PROC: variants seen among roughly 807,000 people sequenced by gnomAD.
The protein encoded by PROC is vitamin K-dependent protein C.
A neutral mutation model predicts 36.3 loss-of-function variants in PROC; 22 were observed. The observed-to-expected ratio is 0.61, with a 90% confidence interval of 0.43 to 0.86. The LOEUF is 0.86. PROC is among the 40% of genes least tolerant of loss of function. The pLI, the probability that PROC is intolerant of heterozygous loss-of-function variation, is 0.00. For missense variants in PROC, 526 were observed against 629.7 expected (o/e 0.84, Z 1.76); for synonymous variants, 218 against 244.5 (o/e 0.89, Z 1.01).
intron 1 of PROC, among the ~76,000 whole-genome samples, chr2:127,419,226 C>T (rs781652576): frequency 3.3e-5 from 5 of 152,140 alleles, no homozygotes; most frequent in Non-Finnish European, 5.9e-5. Context: ...TTAACTCCTC[C>T]GAGTCTCAGT....
At chr2:127,427,368 G>A in intron 8 of PROC, 146 bp downstream of exon 8, 1 of 713,910 alleles carries the variant, frequency 1.4e-6, no homozygotes, top group South Asian at 1.7e-5. Flanking sequence ...GGGGGAAGAG[G>A]CCTATGTGCC....
At position 127,429,081 on chromosome 2, in the gene PROC, T is replaced by C. The variant is rs1186929492; in HGVS notation, c.*135T>C. 2.1e-6 allele frequency: 2 copies of C among 946,848 alleles called. No homozygotes were observed. Among genetic ancestry groups the C allele is most frequent in the Non-Finnish European group, 3.3e-6 (2 of 611,828 alleles). The allele number at this position is 946,848 out of a possible 1,614,324, so 58.7% of individuals were successfully genotyped here. ...TCTTCTGGAGGGAAGTAACATTTAC[T>C]GAGCACCTGTTGTATGTCACATGCC... is the stretch of plus-strand genomic sequence containing the variant. On this transcript the variant is annotated 3_prime_UTR_variant, in exon 9 of 9. Transcript: ENST00000234071.
rs1688253044 is a variant in PROC, at chr2:127,423,364, C to A, written c.491C>A (p.Pro164His). 6.4e-7 allele frequency: 1 copy of A among 1,550,494 alleles called. No individual in the cohort carries two copies. Among genetic ancestry groups the A allele is most frequent in the African/African-American group, 1.4e-5 (1 of 73,126 alleles). ...GGCTGGCGGCGCTGTAGCTGTGCGC[C>A]TGGCTACAAGCTGGGGGACGACCTC... Reference protein sequence around the residue: ...EVGWRRCSCAPGYKLGDDLLQ... With the variant: ...EVGWRRCSCAHGYKLGDDLLQ... The change falls in exon 6 of 9, where the codon CCT (proline) becomes CAT (histidine). Residue 164 changes from proline (P) to histidine (H), a missense_variant. Transcript: ENST00000234071.
Position 127,420,002 on chromosome 2 carries a change from A to G in PROC, c.60A>G (p.Pro20=), listed in dbSNP as rs1282935697. ...CCACCTGGGGAATTTCCGGCACACC[A>G]GCTCCTCTTGGTAAGGCCACCCCAC... ...FVATWGISGT[P]APLDSVFSSS... is the part of the protein sequence containing the mutation. The change falls in exon 2 of 9, where the codon CCA becomes CCG. Residue 20 remains proline, a synonymous_variant. Coordinates refer to ENST00000234071, the MANE Select transcript of PROC (RefSeq NM_000312.4). The G allele has an allele frequency of 7.4e-6, 12 of 1,613,436 alleles. No individual in the cohort carries two copies. Among genetic ancestry groups the G allele is most frequent in the Non-Finnish European group, 1.0e-5 (12 of 1,179,966 alleles).
At position 127,421,307 on chromosome 2, in the gene PROC, G is replaced by A. The variant is rs746654539; in HGVS notation, c.95G>A (p.Arg32His). Residue 32 changes from arginine (R) to histidine (H), a missense_variant, in exon 3 of 9, where the codon CGT becomes CAT. By Grantham distance (29) the Arg-to-His change is conservative (BLOSUM62 0). Coordinates refer to ENST00000234071, the MANE Select transcript of PROC (RefSeq NM_000312.4). ...GACTCAGTGTTCTCCAGCAGCGAGC[G>A]TGCCCACCAGGTGCTGCGGATCCGC... The part of the protein sequence containing the change: ...PLDSVFSSSE[R>H]AHQVLRIRKR... 13 of 1,613,666 alleles carry A rather than the reference G, an allele frequency of 8.1e-6. No individual in the cohort carries two copies. Among genetic ancestry groups the A allele is most frequent in the South Asian group, 3.3e-5 (3 of 91,080 alleles).
rs752981292 is a variant in PROC at position 127,428,662 on chromosome 2, G to A, written c.1102G>A (p.Val368Ile). 2 of 1,614,022 alleles carry A rather than the reference G, an allele frequency of 1.2e-6. No homozygotes were observed. The highest frequency in any genetic ancestry group is 1.7e-6 in the Non-Finnish European group (2 of 1,180,048). Reference protein sequence around the residue: ...FVLNFIKIPVVPHNECSEVMS... With the variant: ...FVLNFIKIPVIPHNECSEVMS... ...CCTCAACTTCATCAAGATTCCCGTG[G>A]TCCCGCACAATGAGTGCAGCGAGGT... is the stretch of plus-strand genomic sequence containing the variant. Residue 368 changes from valine to isoleucine, a missense_variant, in exon 9 of 9, where the codon GTC (valine) becomes ATC (isoleucine). By Grantham distance (29) the Val-to-Ile change is conservative. Coordinates refer to ENST00000234071, the MANE Select transcript of PROC (RefSeq NM_000312.4).
intron 6 of PROC, chr2:127,423,611 G>C (rs978417129): frequency 3.0e-6 from 2 of 675,208 alleles, no homozygotes; most frequent in Non-Finnish European, 4.6e-6. Flanking sequence ...CGCGCCCTCC[G>C]CTTTCCCTGC....
chr2:127,421,225 G>A, intron 2 of PROC, 58 bp from the exon 3 acceptor site: 1 of 1,583,268 alleles, frequency 6.3e-7, no homozygotes, highest in Non-Finnish European at 8.7e-7. Context: ...CCCCCTCATG[G>A]CCCCAGCCCC....
In PROC at chr2:127,423,191, G is replaced by A; in HGVS notation, c.400+20G>A. The A allele has an allele frequency of 6.5e-7, 1 of 1,532,176 alleles. No homozygotes were observed. The allele number at this position is 1,532,176 out of a possible 1,614,324, so 94.9% of individuals were successfully genotyped here. A position where few individuals can be genotyped will look rare whatever the true frequency, so the allele number is the denominator to read the frequency against. ...AGCGCGGTGAGGGGGAGAGGTGGAT[G>A]CTGGCGGGCGGCGGGGCGGGGCTGG... On this transcript the variant is annotated intron_variant, in intron 5 of 8. Coordinates refer to ENST00000234071, the MANE Select transcript of PROC (RefSeq NM_000312.4).
chr2:127,426,289 G>C lies in PROC; in HGVS notation c.678+62G>C. 6.2e-7 allele frequency: 1 copy of C among 1,609,704 alleles called. No homozygotes were observed. Among genetic ancestry groups the C allele is most frequent in the Non-Finnish European group, 8.5e-7 (1 of 1,176,760 alleles). On this transcript the variant is annotated intron_variant, in intron 7 of 8. Transcript: ENST00000234071. The surrounding 1 kb of genome is among the most constrained non-coding windows in gnomAD (Gnocchi z 7.0). ...GGTCCGGGATCACTGAGTCCATCCT[G>C]GCAGCTATGCTCAGGGTGCAGAAAC...
At chr2:127,421,566 C>A in intron 3 of PROC, 117 bp downstream of exon 3, 1 of 1,207,062 alleles carries the variant, frequency 8.3e-7, no homozygotes, top group Non-Finnish European at 1.2e-6. Context: ...GTGGGGGTGG[C>A]TGAGTGGAGC....
At position 127,427,205 on chromosome 2, in the gene PROC, A is replaced by G; in HGVS notation, c.779A>G (p.Lys260Arg). Reference protein sequence around the residue: ...TAAHCMDESKKLLVRLGEYDL... With the variant: ...TAAHCMDESKRLLVRLGEYDL... ...GCCCACTGCATGGATGAGTCCAAGA[A>G]GCTCCTTGTCAGGCTTGGTATGGGC... The change falls in exon 8 of 9, where the codon AAG becomes AGG. Residue 260 changes from lysine (K) to arginine (R), a missense_variant. Coordinates refer to ENST00000234071, the MANE Select transcript of PROC (RefSeq NM_000312.4). 1 of 1,613,122 alleles carries G rather than the reference A, an allele frequency of 6.2e-7. No homozygotes were observed. The highest frequency in any genetic ancestry group is 8.5e-7 in the Non-Finnish European group (1 of 1,179,878).
Position 127,429,170 on chromosome 2 carries a change from T to C in PROC, c.*224T>C. 1.7e-6 allele frequency: 1 copy of C among 594,088 alleles called. No homozygotes were observed. The highest frequency in any genetic ancestry group is 3.0e-6 in the Non-Finnish European group (1 of 336,480). 36.8% of individuals were successfully genotyped at this position (594,088 alleles called of 1,614,324 possible). ...GGTGGGGAGGAGCAGATCCAAGTTT[T>C]GCGGGGTCTAAAGCTGTGTGTGTTG... On this transcript the variant is annotated 3_prime_UTR_variant, in exon 9 of 9. Coordinates refer to ENST00000234071, the MANE Select transcript of PROC (RefSeq NM_000312.4).
At position 127,428,729 on chromosome 2, in the gene PROC, T is replaced by A. The variant is rs933392415; in HGVS notation, c.1169T>A (p.Ile390Asn). The change falls in exon 9 of 9, where the codon ATC (isoleucine) becomes AAC (asparagine). Residue 390 changes from isoleucine to asparagine, a missense_variant. Coordinates refer to ENST00000234071, the MANE Select transcript of PROC (RefSeq NM_000312.4). ...MVSENMLCAG[I>N]LGDRQDACEG... ...TCTGAGAACATGCTGTGTGCGGGCATCCTCGGGGACCGGCAGGATGCCTGC... is the reference window on the plus strand; with the variant it reads ...TCTGAGAACATGCTGTGTGCGGGCAACCTCGGGGACCGGCAGGATGCCTGC... The A allele has an allele frequency of 2.5e-6, 4 of 1,613,618 alleles. No individual in the cohort carries two copies. The South Asian group carries it at 4.4e-5, about 18-fold the overall frequency.
rs1688481182 is a variant in PROC, at chr2:127,426,132, A to G, written c.583A>G (p.Ser195Gly). The change falls in exon 7 of 9, where the codon AGT becomes GGT. Residue 195 changes from serine to glycine, a missense_variant. By Grantham distance (56) the Ser-to-Gly change is moderately conservative (BLOSUM62 0). Coordinates refer to ENST00000234071, the MANE Select transcript of PROC (RefSeq NM_000312.4). This position sits in a 1 kb window ranked among gnomAD's most constrained non-coding sequence, Gnocchi z 7.0. ...RPWKRMEKKR[S>G]HLKRDTEDQE... The stretch of plus-strand genomic sequence containing the variant: ...CTGGAAGCGGATGGAGAAGAAGCGC[A>G]GTCACCTGAAACGAGACACAGAAGA... 4 of 1,614,118 alleles carry G rather than the reference A, an allele frequency of 2.5e-6. No homozygotes were observed. Among genetic ancestry groups the G allele is most frequent in the Non-Finnish European group, 2.5e-6 (3 of 1,180,022 alleles).
At chr2:127,419,891 G>A in intron 1 of PROC, 31 bp from the exon 2 acceptor site, 1 of 1,613,630 alleles carries the variant, frequency 6.2e-7, no homozygotes, top group Non-Finnish European at 8.5e-7. Flanking sequence ...GCGGGGGTAG[G>A]CACTGCCCGG....
rs1688473712 is a variant in PROC at position 127,426,050 on chromosome 2, C to T, written c.536-35C>T. On this transcript the variant is annotated intron_variant, in intron 6 of 8. Transcript: ENST00000234071. The surrounding 1 kb of genome is among the most constrained non-coding windows in gnomAD (Gnocchi z 7.0). ...CAGGAGGGCAGTCTCGGGAGGAGTG[C>T]CTGGCAGGCCCCTCACCACCTCTGC... The T allele has an allele frequency of 6.2e-7, 1 of 1,613,610 alleles. No individual in the cohort carries two copies. The highest frequency in any genetic ancestry group is 8.5e-7 in the Non-Finnish European group (1 of 1,179,926).
chr2:127,423,111 G>C lies in PROC; in HGVS notation c.340G>C (p.Gly114Arg), dbSNP rs374476971. ...CTGCGGGCACGGCACGTGCATCGAC[G>C]GCATCGGCAGCTTCAGCTGCGACTG... is the stretch of plus-strand genomic sequence containing the variant. ...LCCGHGTCID[G>R]IGSFSCDCRS... is the part of the protein sequence containing the mutation. Residue 114 changes from glycine to arginine, a missense_variant, in exon 5 of 9, where the codon GGC becomes CGC. Transcript: ENST00000234071. 1.4e-5 allele frequency: 22 copies of C among 1,608,412 alleles called. No individual in the cohort carries two copies. The highest frequency in any genetic ancestry group is 1.8e-5 in the Non-Finnish European group (21 of 1,177,710).
chr2:127,425,626 T>A (rs1367924175), intron 6 of PROC, among the ~76,000 whole-genome samples: 4 of 152,180 alleles, frequency 2.6e-5, no homozygotes. Context: ...TGGGGTACAA[T>A]GAGCTTTTAA....
Sources: gnomAD v4.1 joint callset for allele counts (sites outside exome capture counted in the v4.1 genomes callset) on GRCh38, gnomAD v4.1.1 for gene constraint, Gnocchi (gnomAD v3.1) non-coding constraint, MANE v1.5 for transcripts, NCBI Gene and HGNC (gene_info 2026-07-23, HGNC 2026-07-21) for gene names.